The following NKAIN2 variants were observed in gnomAD, a reference collection of about 807,000 sequenced individuals.
NKAIN2 encodes sodium/potassium-transporting ATPase subunit beta-1-interacting protein 2.
Under a neutral mutation model 32.6 loss-of-function variants are expected in NKAIN2, and 14 were observed. That is an observed-to-expected ratio of 0.43 (90% CI 0.28 to 0.67). The LOEUF (loss-of-function observed/expected upper bound fraction) is 0.67. NKAIN2 is among the 30% of genes least tolerant of loss of function. The probability of loss-of-function intolerance (pLI) is 0.17; values close to 1 mark genes in which losing one functional copy is unlikely to be tolerated. For missense variants in NKAIN2, 198 were observed against 258.3 expected (o/e 0.77, Z 1.60); for synonymous variants, 80 against 87.2 (o/e 0.92, Z 0.46).
intron 3 of NKAIN2, among the ~76,000 whole-genome samples, chr6:124,497,517 A>G (rs1284876043): frequency 6.6e-6 from 1 of 152,118 alleles, no homozygotes; most frequent in Non-Finnish European, 1.5e-5. Context: ...TCCAGCTGAG[A>G]TATTAATGTC....
chr6:123,893,955 T>C (rs1469048414), intron 1 of NKAIN2, among the ~76,000 whole-genome samples: 1 of 152,200 alleles, frequency 6.6e-6, no homozygotes, highest in Non-Finnish European at 1.5e-5. Flanking sequence ...TTAGAGAAGA[T>C]TTAGAGAAGA....
intron 3 of NKAIN2, among the ~76,000 whole-genome samples, chr6:124,605,082 A>G (rs914649678): frequency 1.3e-5 from 2 of 152,078 alleles, no homozygotes; most frequent in African/African-American, 4.8e-5. Context: ...TGAGAATACT[A>G]ACCCCTGCTC....
At chr6:124,203,477 T>G (rs1790690584) in intron 1 of NKAIN2, among the ~76,000 whole-genome samples, 1 of 151,944 alleles carries the variant, frequency 6.6e-6, no homozygotes, top group Admixed American at 6.6e-5. Context: ...TTCAAACTAT[T>G]AATTATTAAA....
At chr6:123,891,663 T>C (rs1774024151) in intron 1 of NKAIN2, among the ~76,000 whole-genome samples, 2 of 152,176 alleles carry the variant, frequency 1.3e-5, no homozygotes, top group Non-Finnish European at 2.9e-5. Context: ...AAACAAAATG[T>C]AATCGCAATT....
At chr6:124,209,584 G>A (rs936986837) in intron 1 of NKAIN2, among the ~76,000 whole-genome samples, 1 of 151,732 alleles carries the variant, frequency 6.6e-6, no homozygotes, top group Non-Finnish European at 1.5e-5. Context: ...TAGTATACAA[G>A]GGTTACCCTT....
intron 4 of NKAIN2, among the ~76,000 whole-genome samples, chr6:124,738,550 A>T (rs556478772): frequency 6.9e-5 from 10 of 145,818 alleles, no homozygotes; most frequent in African/African-American, 2.5e-4. Context: ...CACTGCTCTT[A>T]ATTATGTGTC....
intron 4 of NKAIN2, among the ~76,000 whole-genome samples, chr6:124,782,769 G>C (rs1779332249): frequency 6.6e-6 from 1 of 151,558 alleles, no homozygotes; most frequent in Non-Finnish European, 1.5e-5. Flanking sequence ...AGTATTAATT[G>C]TGTACATTTT....
intron 2 of NKAIN2, among the ~76,000 whole-genome samples, chr6:124,298,902 T>C (rs967350819): frequency 1.3e-5 from 2 of 152,248 alleles, no homozygotes; most frequent in East Asian, 1.9e-4. Context: ...GGGCTAATGA[T>C]GTATCAAGGA....
chr6:124,046,272 T>C (rs184646708), intron 1 of NKAIN2, among the ~76,000 whole-genome samples: 11 of 152,120 alleles, frequency 7.2e-5, no homozygotes, highest in African/African-American at 2.2e-4. Context: ...TGATCCTACC[T>C]AGTTTAAGTC....
intron 1 of NKAIN2, among the ~76,000 whole-genome samples, chr6:124,060,059 G>A (rs970575754): frequency 1.5e-4 from 23 of 152,106 alleles, no homozygotes; most frequent in African/African-American, 5.3e-4. Flanking sequence ...CTTTTAAACT[G>A]TATTTCTTTG....
intron 2 of NKAIN2, among the ~76,000 whole-genome samples, chr6:124,304,645 G>A (rs1355996508): frequency 6.6e-6 from 1 of 152,196 alleles, no homozygotes. Flanking sequence ...GCCAGGCGTG[G>A]TGGCTCATGC....
intron 4 of NKAIN2, among the ~76,000 whole-genome samples, chr6:124,791,046 G>C (rs2114806968): frequency 6.6e-6 from 1 of 152,260 alleles, no homozygotes; most frequent in Middle Eastern, 3.4e-3. Flanking sequence ...CTAGTGAATG[G>C]TTATAAGTCT....
At chr6:124,350,940 G>A (rs1000847967) in intron 2 of NKAIN2, among the ~76,000 whole-genome samples, 1 of 152,142 alleles carries the variant, frequency 6.6e-6, no homozygotes, top group African/African-American at 2.4e-5. Context: ...AGTGAGCTAT[G>A]ATAGCACCAC....
intron 1 of NKAIN2, among the ~76,000 whole-genome samples, chr6:123,903,533 G>A (rs550401506): frequency 2.0e-5 from 3 of 152,286 alleles, no homozygotes; most frequent in South Asian, 4.1e-4. Flanking sequence ...ACCGGATAGA[G>A]CAAGAGAAAG....
At chr6:124,305,371 A>G (rs1447723647) in intron 2 of NKAIN2, among the ~76,000 whole-genome samples, 1 of 152,134 alleles carries the variant, frequency 6.6e-6, no homozygotes, top group Non-Finnish European at 1.5e-5. Context: ...AAGAAGATAA[A>G]TTCAAATAAT....
At chr6:124,552,781 A>G (rs958956620) in intron 3 of NKAIN2, among the ~76,000 whole-genome samples, 1 of 152,242 alleles carries the variant, frequency 6.6e-6, no homozygotes, top group African/African-American at 2.4e-5. Context: ...TTCCCAGTCT[A>G]CAGAGCAGAG....
intron 4 of NKAIN2, among the ~76,000 whole-genome samples, chr6:124,737,889 G>A (rs918052280): frequency 6.6e-6 from 1 of 151,924 alleles, no homozygotes; most frequent in African/African-American, 2.4e-5. Context: ...TTGAACTTGA[G>A]AGAGATGACT....
rs1231502295 is a variant in NKAIN2 at position 123,804,162 on chromosome 6, A to T, written c.-39A>T. On this transcript the variant is annotated 5_prime_UTR_variant, in exon 1 of 7. Coordinates refer to ENST00000368417, the MANE Select transcript of NKAIN2 (RefSeq NM_001040214.3). ...TAAAGTGGGGGCTCGACGGTGGCCG[A>T]CGTGGGACAGTCTGGCTGTGGCAGG... 1 of 1,601,338 alleles carries T rather than the reference A, an allele frequency of 6.2e-7. No homozygotes were observed. The highest frequency in any genetic ancestry group is 2.2e-5 in the East Asian group (1 of 44,772).
intron 4 of NKAIN2, among the ~76,000 whole-genome samples, chr6:124,691,313 T>A (rs1774246438): frequency 2.0e-5 from 3 of 152,286 alleles, no homozygotes; most frequent in Admixed American, 2.0e-4. Context: ...TTCAACCTAA[T>A]TTCCATTTAA....
Sources: allele counts gnomAD v4.1 joint callset (sites outside exome capture counted in the v4.1 genomes callset), GRCh38; gene constraint gnomAD v4.1.1; transcripts MANE v1.5; gene names NCBI Gene and HGNC (gene_info 2026-07-23, HGNC 2026-07-21).